Variants in PUM3 observed in about 807,000 individuals in gnomAD.
The protein encoded by PUM3 is pumilio RNA binding family member 3, also known as pumilio homolog 3.
In PUM3, 91 loss-of-function variants were observed where a neutral mutation model predicts 84.0. The observed-to-expected ratio is 1.08, with a 90% CI of 0.91 to 1.29. PUM3 has a LOEUF of 1.29. Among genes scored for constraint, PUM3 ranks in the 50% most tolerant of loss-of-function variants. PUM3 has a pLI of 0.00. For synonymous variants in PUM3, 321 were observed against 266.7 expected, an observed-to-expected ratio of 1.20 and a Z score of -1.98; for missense variants, 1,067 against 767.5, an observed-to-expected ratio of 1.39 and a Z score of -4.61.
At chr9:2,834,257 A>T in intron 3 of PUM3, 91 bp from the exon 4 acceptor site, 4 of 1,090,548 alleles carry the variant, frequency 3.7e-6, no homozygotes, top group Non-Finnish European at 5.3e-6. Context: ...ATCACTAATC[A>T]GGATCAATGC....
At position 2,811,434 on chromosome 9, in the gene PUM3, T is replaced by TCC; in HGVS notation, c.1561_1562insGG (p.Asp521GlyfsTer7). 6.2e-7 allele frequency: 1 copy of TCC among 1,614,112 alleles called. No individual in the cohort carries two copies. Among genetic ancestry groups the TCC allele is most frequent in the Non-Finnish European group, 8.5e-7 (1 of 1,180,020 alleles). On this transcript the variant is annotated frameshift_variant, in exon 15 of 18. Transcript: ENST00000397885. LOFTEE classifies it high-confidence loss of function. The stretch of plus-strand genomic sequence containing the variant: ...GATGGCATTCATGGTAGGCTGAACG[T>TCC]CTCCAGTGGCAGATCCCAGAATGTC...
In PUM3 at chr9:2,804,282, G is replaced by T; in HGVS notation, c.*49C>A. On this transcript the variant is annotated 3_prime_UTR_variant, in exon 18 of 18. Coordinates refer to ENST00000397885, the MANE Select transcript of PUM3 (RefSeq NM_014878.5). ...CCCTTCTTTTCTGCATTGGGAAACA[G>T]AACAGAGAACAGAAAAAATCATTCC... The T allele has an allele frequency of 1.3e-6, 2 of 1,590,694 alleles. No homozygotes were observed. Among genetic ancestry groups the T allele is most frequent in the Non-Finnish European group, 8.6e-7 (1 of 1,168,034 alleles).
chr9:2,824,870 T>A, intron 10 of PUM3, 55 bp from the exon 11 acceptor site: 1 of 1,258,912 alleles, frequency 7.9e-7, no homozygotes. Flanking sequence ...TTCTTTCTAC[T>A]GTTTTATCTG....
chr9:2,841,376 A>G (rs975495988), intron 1 of PUM3, among the ~76,000 whole-genome samples: 3 of 152,134 alleles, frequency 2.0e-5, no homozygotes, highest in African/African-American at 7.2e-5. Flanking sequence ...TGAGGTCAGG[A>G]GTTCAAGACC....
intron 1 of PUM3, 28 bp from the exon 2 acceptor site, chr9:2,838,545 C>G: frequency 1.5e-6 from 2 of 1,348,636 alleles, no homozygotes; most frequent in Non-Finnish European, 2.1e-6. Flanking sequence ...AAACCAAAAA[C>G]AATCACTGCA....
intron 1 of PUM3, 95 bp downstream of exon 1, chr9:2,843,950 C>G (rs1173534323): frequency 6.5e-6 from 1 of 153,448 alleles, no homozygotes; most frequent in African/African-American, 2.4e-5. Flanking sequence ...GGAGACTGCC[C>G]AGTGGACAAC....
intron 13 of PUM3, among the ~76,000 whole-genome samples, chr9:2,818,080 G>A (rs146516132): frequency 3.3e-5 from 5 of 152,196 alleles, no homozygotes; most frequent in African/African-American, 1.2e-4. Context: ...CTGGTGCCCT[G>A]AACAGAGTGC....
At chr9:2,834,716 G>C (rs990461910) in intron 3 of PUM3, among the ~76,000 whole-genome samples, 1 of 152,146 alleles carries the variant, frequency 6.6e-6, no homozygotes, top group African/African-American at 2.4e-5. Context: ...CACACAACCT[G>C]CAATGGTAGA....
chr9:2,804,894 C>T (rs780754748), intron 17 of PUM3, among the ~76,000 whole-genome samples: 8 of 152,270 alleles, frequency 5.3e-5, no homozygotes, highest in South Asian at 4.1e-4. Flanking sequence ...ATGCCCACCA[C>T]GTGGCTGAAT....
rs1563836110 is a variant in PUM3, at chr9:2,837,257, T to TTGTC, written c.223_226dup (p.Lys76ArgfsTer13). Reference sequence around the variant, plus strand: ...CGGCTGGAATTTGTTCTTTGGTGATTTGTCCCCTTGCTGCTTATTCTTGAA... The same window carrying TTGTC: ...CGGCTGGAATTTGTTCTTTGGTGATTTGTCTGTCCCCTTGCTGCTTATTCTTGAA... On this transcript the variant is annotated frameshift_variant, in exon 3 of 18. Coordinates refer to ENST00000397885, the MANE Select transcript of PUM3 (RefSeq NM_014878.5). LOFTEE classifies it high-confidence loss of function. 1 of 1,614,172 alleles carries TTGTC rather than the reference T, an allele frequency of 6.2e-7. No homozygotes were observed. The highest frequency in any genetic ancestry group is 2.2e-5 in the East Asian group (1 of 44,884).
intron 12 of PUM3, among the ~76,000 whole-genome samples, chr9:2,820,466 CATATAT>C (rs1158523345): frequency 6.6e-6 from 1 of 151,828 alleles, no homozygotes; most frequent in African/African-American, 2.4e-5. Flanking sequence ...AAAAAACCTA[CATATAT>C]AAACACATAT....
chr9:2,834,168 T>C lies in PUM3; in HGVS notation c.305-2A>G. On this transcript the variant is annotated splice_acceptor_variant, in intron 3 of 17. Transcript: ENST00000397885. LOFTEE classifies it high-confidence loss of function. ...ATTTGGGCTTCTTGGCTGCTGATTC[T>C]AGTTATTATAGAAATTATTTTCAAT... is the stretch of plus-strand genomic sequence containing the variant. 1 of 1,607,034 alleles carries C rather than the reference T, an allele frequency of 6.2e-7. No homozygotes were observed. The highest frequency in any genetic ancestry group is 8.5e-7 in the Non-Finnish European group (1 of 1,177,376).
At chr9:2,828,343 C>G in intron 9 of PUM3, 1 of 211,244 alleles carries the variant, frequency 4.7e-6, no homozygotes, top group South Asian at 8.6e-5. Flanking sequence ...ACCTTGCCTA[C>G]AACCAAATTT....
At chr9:2,827,273 T>C (rs759901903) in intron 9 of PUM3, 122 bp from the exon 10 acceptor site, 2 of 644,508 alleles carry the variant, frequency 3.1e-6, no homozygotes, top group Admixed American at 3.9e-5. Context: ...TGAATACAAT[T>C]TGTCATAAAA....
intron 1 of PUM3, among the ~76,000 whole-genome samples, chr9:2,841,958 G>A (rs1191932300): frequency 6.6e-6 from 1 of 152,126 alleles, no homozygotes; most frequent in Non-Finnish European, 1.5e-5. Flanking sequence ...GAAAAGTCCT[G>A]TCACTCTAAA....
Position 2,804,292 on chromosome 9 carries a change from C to A in PUM3, c.*39G>T, listed in dbSNP as rs1484942505. ...CTGCATTGGGAAACAGAACAGAGAA[C>A]AGAAAAAATCATTCCATCTTGCTCT... is the stretch of plus-strand genomic sequence containing the variant. On this transcript the variant is annotated 3_prime_UTR_variant, in exon 18 of 18. Transcript: ENST00000397885. 8.1e-6 allele frequency: 13 copies of A among 1,599,270 alleles called. No individual in the cohort carries two copies. Among genetic ancestry groups the A allele is most frequent in the Admixed American group, 1.7e-5 (1 of 58,398 alleles).
chr9:2,841,514 G>A (rs1265869792), intron 1 of PUM3, among the ~76,000 whole-genome samples: 1 of 152,182 alleles, frequency 6.6e-6, no homozygotes, highest in African/African-American at 2.4e-5. Flanking sequence ...GCTGCAGCGA[G>A]CTGAGATTGT....
In PUM3 at chr9:2,820,042, CT is replaced by C; in HGVS notation, c.1244del (p.Lys415SerfsTer3). ...LAAFDCIDDT[K>X]LVKQIIISEI... is the part of the protein sequence containing the mutation. Reference sequence around the variant, plus strand: ...CTGATATGATTATCTGCTTCACAAGCTTAGTATCATCAATACAATCAAATGC... The same window carrying C: ...CTGATATGATTATCTGCTTCACAAGCTAGTATCATCAATACAATCAAATGC... On this transcript the variant is annotated frameshift_variant, in exon 13 of 18. Coordinates refer to ENST00000397885, the MANE Select transcript of PUM3 (RefSeq NM_014878.5). LOFTEE classifies it high-confidence loss of function. 6.2e-7 allele frequency: 1 copy of C among 1,611,456 alleles called. No homozygotes were observed. The highest frequency in any genetic ancestry group is 8.5e-7 in the Non-Finnish European group (1 of 1,177,898).
chr9:2,826,534 T>C (rs931119465), intron 10 of PUM3, among the ~76,000 whole-genome samples: 2 of 152,206 alleles, frequency 1.3e-5, no homozygotes, highest in Admixed American at 1.3e-4. Context: ...GACAATGAGC[T>C]CACTGTATGA....
Sources: gnomAD v4.1 joint callset for allele counts (sites outside exome capture counted in the v4.1 genomes callset) on GRCh38, gnomAD v4.1.1 for gene constraint, MANE v1.5 for transcripts, NCBI Gene and HGNC (gene_info 2026-07-23, HGNC 2026-07-21) for gene names.